TSGA10: variants seen among roughly 807,000 people sequenced by gnomAD.
The protein encoded by TSGA10 is testis specific 10, also known as testis-specific gene 10 protein.
TSGA10 carries 43 observed loss-of-function variants against 96.6 expected under a neutral mutation model. The observed-to-expected ratio is 0.44, with a 90% CI of 0.35 to 0.57. The LOEUF (loss-of-function observed/expected upper bound fraction) is 0.57, where lower values mean the gene tolerates loss of function less well. Among genes scored for constraint, TSGA10 ranks in the 20% least tolerant of loss-of-function variants. The pLI, the probability that TSGA10 is intolerant of heterozygous loss-of-function variation, is 0.01. For synonymous variants in TSGA10, 229 were observed against 269.9 expected (o/e 0.85, Z 1.48); for missense variants, 703 against 834.4 (o/e 0.84, Z 1.94).
At chr2:99,090,964 C>A (rs1455247960) in intron 10 of TSGA10, among the ~76,000 whole-genome samples, 1 of 152,110 alleles carries the variant, frequency 6.6e-6, no homozygotes, top group Non-Finnish European at 1.5e-5. Context: ...CACCTAGGCA[C>A]ATAGTCATCA....
At chr2:99,119,035 T>C (rs2092435937) in intron 2 of TSGA10, among the ~76,000 whole-genome samples, 2 of 152,084 alleles carry the variant, frequency 1.3e-5, no homozygotes, top group South Asian at 4.2e-4. Flanking sequence ...GTAAGGAGCA[T>C]CTGAAATTGC....
At chr2:99,013,589 C>T (rs79505603) in intron 20 of TSGA10, among the ~76,000 whole-genome samples, 6 of 151,756 alleles carry the variant, frequency 4.0e-5, no homozygotes, top group Middle Eastern at 3.4e-3. Flanking sequence ...CCTCCGCCCC[C>T]CAAAGTGCTG....
intron 9 of TSGA10, among the ~76,000 whole-genome samples, chr2:99,104,396 AATTT>A (rs2091108588): frequency 6.6e-6 from 1 of 152,224 alleles, no homozygotes; most frequent in Non-Finnish European, 1.5e-5. Flanking sequence ...TTTGCAAAAG[AATTT>A]ATTTGTTGCC....
intron 1 of TSGA10, among the ~76,000 whole-genome samples, chr2:99,146,140 G>A (rs1376412870): frequency 6.6e-6 from 1 of 151,928 alleles, no homozygotes; most frequent in Non-Finnish European, 1.5e-5. Flanking sequence ...AAAATTAGCC[G>A]GGCATGGTGG....
At chr2:99,106,429 A>G (rs1194615950) in intron 7 of TSGA10, among the ~76,000 whole-genome samples, 1 of 151,820 alleles carries the variant, frequency 6.6e-6, no homozygotes, top group East Asian at 1.9e-4. Context: ...CTTGAATAGT[A>G]CCCTCTCCAC....
intron 20 of TSGA10, among the ~76,000 whole-genome samples, chr2:99,017,561 C>T (rs2079618167): frequency 6.6e-6 from 1 of 151,782 alleles, no homozygotes; most frequent in African/African-American, 2.4e-5. Flanking sequence ...GTCAGGAGAT[C>T]GAGACCATCC....
intron 16 of TSGA10, among the ~76,000 whole-genome samples, chr2:99,043,904 C>A (rs780616987): frequency 1.3e-5 from 2 of 152,080 alleles, no homozygotes; most frequent in Non-Finnish European, 2.9e-5. Context: ...GAATTCTCAA[C>A]CCAGAATTTC....
chr2:99,027,819 G>GGGCT (rs2080767237), intron 17 of TSGA10, among the ~76,000 whole-genome samples: 1 of 152,130 alleles, frequency 6.6e-6, no homozygotes, highest in South Asian at 2.1e-4. Flanking sequence ...TCCTATGGAT[G>GGGCT]GGCTGCATTT....
chr2:99,088,325 ATTAG>A (rs970686922), intron 10 of TSGA10, among the ~76,000 whole-genome samples: 11 of 152,170 alleles, frequency 7.2e-5, no homozygotes, highest in Non-Finnish European at 1.3e-4. Context: ...ATATTTTATT[ATTAG>A]TTATTGTTGT....
intron 17 of TSGA10, among the ~76,000 whole-genome samples, chr2:99,022,758 G>A (rs908468355): frequency 6.6e-6 from 1 of 152,140 alleles, no homozygotes; most frequent in African/African-American, 2.4e-5. Flanking sequence ...TTGAGGAACT[G>A]ACAAAATGTT....
chr2:99,117,434 TA>T, intron 4 of TSGA10, 109 bp downstream of exon 4: 1 of 417,046 alleles, frequency 2.4e-6, no homozygotes, highest in Non-Finnish European at 3.2e-6. Context: ...CTGTCAAATC[TA>T]AAAAGCTTCC....
intron 15 of TSGA10, among the ~76,000 whole-genome samples, chr2:99,066,326 T>C (rs2085259494): frequency 6.6e-6 from 1 of 152,222 alleles, no homozygotes; most frequent in South Asian, 2.1e-4. Context: ...GTGTTTTCCA[T>C]GATTGTACTA....
At chr2:99,123,950 G>C (rs768777792) in intron 2 of TSGA10, among the ~76,000 whole-genome samples, 1 of 152,098 alleles carries the variant, frequency 6.6e-6, no homozygotes, top group Non-Finnish European at 1.5e-5. Context: ...TTGTATATAC[G>C]TATCTACTGG....
chr2:99,137,332 G>T (rs1436357307), intron 1 of TSGA10, among the ~76,000 whole-genome samples: 3 of 152,122 alleles, frequency 2.0e-5, no homozygotes, highest in African/African-American at 7.2e-5. Flanking sequence ...TTAGGGGTTA[G>T]AATTTCAACC....
intron 16 of TSGA10, among the ~76,000 whole-genome samples, chr2:99,037,364 T>C (rs1307485584): frequency 6.6e-6 from 1 of 152,042 alleles, no homozygotes; most frequent in Admixed American, 6.6e-5. Flanking sequence ...TCCCAAAATA[T>C]TTAGAAATTT....
In TSGA10 at chr2:99,117,601, G is replaced by A. The variant is rs143098454; in HGVS notation, c.-197C>T. ...CCACCACAAAATTTTTCTCTTTTTC[G>A]AGTTGCTCTGCTAGTTGGTCAATTT... On this transcript the variant is annotated 5_prime_UTR_variant, in exon 4 of 21. Transcript: ENST00000393483. 6.4e-5 allele frequency: 63 copies of A among 985,568 alleles called. No homozygotes were observed. In the East Asian group the frequency reaches 5.4e-3, roughly 85 times the overall value. 61.1% of individuals were successfully genotyped at this position (985,568 alleles called of 1,614,324 possible). A position where few individuals can be genotyped will look rare whatever the true frequency, so the allele number is the denominator to read the frequency against.
chr2:99,144,589 C>CGGT (rs2093612485), intron 1 of TSGA10, among the ~76,000 whole-genome samples: 1 of 135,250 alleles, frequency 7.4e-6, no homozygotes. Flanking sequence ...GCAGAGGTTG[C>CGGT]GGTAAGCCGA....
At chr2:99,044,962 AAG>A (rs2082600404) in intron 16 of TSGA10, among the ~76,000 whole-genome samples, 2 of 152,196 alleles carry the variant, frequency 1.3e-5, no homozygotes, top group Admixed American at 1.3e-4. Flanking sequence ...GGCAGAAATA[AAG>A]ATGTTCTTGG....
chr2:99,038,427 G>C (rs1314738950), intron 16 of TSGA10, among the ~76,000 whole-genome samples: 3 of 151,972 alleles, frequency 2.0e-5, no homozygotes, highest in East Asian at 3.9e-4. Flanking sequence ...AACACATAAG[G>C]ACTCATACAA....
Sources: allele counts gnomAD v4.1 joint callset (sites outside exome capture counted in the v4.1 genomes callset), GRCh38; gene constraint gnomAD v4.1.1; transcripts MANE v1.5; gene names NCBI Gene and HGNC (gene_info 2026-07-23, HGNC 2026-07-21).